The following MAP3K4 variants were observed in gnomAD, a reference collection of about 807,000 sequenced individuals.
MAP3K4 encodes MAP three kinase 1.
A neutral mutation model predicts 185.6 loss-of-function variants in MAP3K4; 67 were observed. The ratio of observed to expected loss-of-function variants is 0.36; its 90% CI spans 0.30 to 0.44. The LOEUF (loss-of-function observed/expected upper bound fraction) is 0.44. Ranked by LOEUF, MAP3K4 falls within the 20% of genes least tolerant of loss-of-function variation. MAP3K4 has a pLI of 1.00. For synonymous variants in MAP3K4, 702 were observed against 710.4 expected, an observed-to-expected ratio of 0.99 and a Z score of 0.19; for missense variants, 1,551 against 1,995.1, an observed-to-expected ratio of 0.78 and a Z score of 4.24.
In MAP3K4 at chr6:161,043,130, G is replaced by A. The variant is rs1183732410; in HGVS notation, c.344-5486G>A. On this transcript the variant is annotated intron_variant, in intron 2 of 26. Coordinates refer to ENST00000392142, the MANE Select transcript of MAP3K4 (RefSeq NM_005922.4). The surrounding 1 kb of genome is among the most constrained non-coding windows in gnomAD (Gnocchi z 4.3). ...AAATCAGATTCAATCTATATAGCTA[G>A]TGAAATGTTTGTGTCAACCAGAGTG... is the stretch of plus-strand genomic sequence containing the variant. Among the ~76,000 whole-genome samples, 2 of 152,216 alleles carry A rather than the reference G, an allele frequency of 1.3e-5. No homozygotes were observed. Among genetic ancestry groups the A allele is most frequent in the Non-Finnish European group, 2.9e-5 (2 of 68,026 alleles).
rs768526545 is a variant in MAP3K4 at position 161,106,521 on chromosome 6, T to C, written c.3864T>C (p.Ala1288=). The change falls in exon 20 of 27, where the codon GCT becomes GCC. Residue 1288 remains alanine (A), a synonymous_variant. Transcript: ENST00000392142. This position sits in a 1 kb window ranked among gnomAD's most constrained non-coding sequence, Gnocchi z 4.9. ...TTTTGGTTCTCTCTGCAGATACTGC[T>C]TCTAAACTAGGACCCATAGAAGCTA... ...RTLISQSKDT[A]SKLGPIEAIQ... is the part of the protein sequence containing the mutation. 1 of 1,607,690 alleles carries C rather than the reference T, an allele frequency of 6.2e-7. No homozygotes were observed. Among genetic ancestry groups the C allele is most frequent in the Non-Finnish European group, 8.5e-7 (1 of 1,177,338 alleles).
chr6:160,991,811 G>T lies in MAP3K4; in HGVS notation c.-121G>T, dbSNP rs1780703788. On this transcript the variant is annotated 5_prime_UTR_variant, in exon 1 of 27. Coordinates refer to ENST00000392142, the MANE Select transcript of MAP3K4 (RefSeq NM_005922.4). The surrounding 1 kb of genome is among the most constrained non-coding windows in gnomAD (Gnocchi z 5.7). Reference sequence around the variant, plus strand: ...TTCCAAGATGGCCGCGGCGCGCACGGCTCCTGCGGCGGGGTAGAGGCGGAG... The same window carrying T: ...TTCCAAGATGGCCGCGGCGCGCACGTCTCCTGCGGCGGGGTAGAGGCGGAG... 7.0e-6 allele frequency: 8 copies of T among 1,134,992 alleles called. No individual in the cohort carries two copies. Among genetic ancestry groups the T allele is most frequent in the East Asian group, 6.4e-5 (2 of 31,084 alleles). 70.3% of individuals were successfully genotyped at this position (1,134,992 alleles called of 1,614,324 possible). A position where few individuals can be genotyped will look rare whatever the true frequency, so the allele number is the denominator to read the frequency against.
At chr6:161,042,690 A>G (rs866041910) in intron 2 of MAP3K4, among the ~76,000 whole-genome samples, 2 of 152,214 alleles carry the variant, frequency 1.3e-5, no homozygotes, top group Non-Finnish European at 2.9e-5. Flanking sequence ...TCTTTTTAAT[A>G]TAGCAGAAGG....
At position 161,080,943 on chromosome 6, in the gene MAP3K4, T is replaced by A. The variant is rs775106861; in HGVS notation, c.2160T>A (p.His720Gln). The A allele has an allele frequency of 1.9e-6, 3 of 1,614,058 alleles. No homozygotes were observed. In the African/African-American group the frequency reaches 4.0e-5, roughly 22 times the overall value. The change falls in exon 6 of 27, where the codon CAT becomes CAA. Residue 720 changes from histidine (H) to glutamine (Q), a missense_variant. This residue lies in a region of MAP3K4 where 130 missense variants were observed against 171.3 expected (regional missense o/e 0.76). Coordinates refer to ENST00000392142, the MANE Select transcript of MAP3K4 (RefSeq NM_005922.4). The surrounding 1 kb of genome is among the most constrained non-coding windows in gnomAD (Gnocchi z 4.8). ...TACAGCAATTACCTCAAGCATCGCA[T>A]AGTTTAAAAAATCTGTTAGAAGAAG... The part of the protein sequence containing the change: ...QMLQQLPQAS[H>Q]SLKNLLEEEW...
rs1018710619 is a variant in MAP3K4 at position 161,076,048 on chromosome 6, A to G, written c.2097+2436A>G. 9.2e-5 allele frequency among the ~76,000 whole-genome samples: 14 copies of G among 152,194 alleles called. No homozygotes were observed. The highest frequency in any genetic ancestry group is 1.3e-4 in the Non-Finnish European group (9 of 68,040). The stretch of plus-strand genomic sequence containing the variant: ...AAATGGAAAAATTCCTTCTTCAGAG[A>G]AGGAGGAAATTGGCCACAATATCCT... On this transcript the variant is annotated intron_variant, in intron 5 of 26. Transcript: ENST00000392142. This position sits in a 1 kb window ranked among gnomAD's most constrained non-coding sequence, Gnocchi z 4.2.
At chr6:161,002,011 C>T (rs897532280) in intron 1 of MAP3K4, among the ~76,000 whole-genome samples, 1 of 151,540 alleles carries the variant, frequency 6.6e-6, no homozygotes, top group African/African-American at 2.4e-5. Flanking sequence ...GAAACATTTC[C>T]CCCCCAACGT....
intron 1 of MAP3K4, among the ~76,000 whole-genome samples, chr6:161,000,680 C>T (rs1388699975): frequency 6.6e-6 from 1 of 151,926 alleles, no homozygotes; most frequent in Non-Finnish European, 1.5e-5. Flanking sequence ...AACTCATTTT[C>T]CCCTGATATA....
At chr6:161,011,550 A>G (rs1287758065) in intron 1 of MAP3K4, among the ~76,000 whole-genome samples, 1 of 152,192 alleles carries the variant, frequency 6.6e-6, no homozygotes, top group African/African-American at 2.4e-5. Flanking sequence ...CTGAAAAAGT[A>G]GGATGTCAGA....
intron 2 of MAP3K4, among the ~76,000 whole-genome samples, chr6:161,047,115 T>C (rs1341012151): frequency 1.9e-5 from 1 of 54,014 alleles, no homozygotes; most frequent in Admixed American, 2.7e-4. Context: ...ATTTCACTTA[T>C]GCATATATAT....
chr6:161,050,044 ATGT>A, intron 3 of MAP3K4, 65 bp downstream of exon 3: 1 of 1,442,336 alleles, frequency 6.9e-7, no homozygotes. Flanking sequence ...GCAAATTATA[ATGT>A]TGGTGTTATG....
intron 5 of MAP3K4, among the ~76,000 whole-genome samples, chr6:161,079,666 G>A (rs1481900834): frequency 6.6e-6 from 1 of 152,170 alleles, no homozygotes; most frequent in Non-Finnish European, 1.5e-5. Context: ...ACACGGAGAT[G>A]GGGGAGCTCA....
At chr6:161,099,951 G>A (rs1777760596) in intron 17 of MAP3K4, among the ~76,000 whole-genome samples, 1 of 152,164 alleles carries the variant, frequency 6.6e-6, no homozygotes, top group Non-Finnish European at 1.5e-5. Flanking sequence ...TCTTAAGTTT[G>A]TACATACTTA....
In MAP3K4 at chr6:161,061,984, A is replaced by G. The variant is rs1007312795; in HGVS notation, c.1708-8624A>G. ...AAGAAGTTTAGCTTCTCTGACAGGG[A>G]TAGTTAATCTTTTAAAACATTTTAT... On this transcript the variant is annotated intron_variant, in intron 3 of 26. Transcript: ENST00000392142. This position sits in a 1 kb window ranked among gnomAD's most constrained non-coding sequence, Gnocchi z 4.2. Among the ~76,000 whole-genome samples the G allele has an allele frequency of 6.6e-6, 1 of 152,160 alleles. No homozygotes were observed. Among genetic ancestry groups the G allele is most frequent in the Non-Finnish European group, 1.5e-5 (1 of 68,030 alleles).
chr6:161,000,826 T>TGCACACATACACACATGTGTAC (rs1781243529), intron 1 of MAP3K4, among the ~76,000 whole-genome samples: 6 of 144,448 alleles, frequency 4.2e-5, no homozygotes, highest in Admixed American at 4.0e-4. Flanking sequence ...CACATGTGTA[T>TGCACACATACACACATGTGTAC]GCACACATAC....
intron 3 of MAP3K4, among the ~76,000 whole-genome samples, chr6:161,059,661 A>G (rs1784402563): frequency 1.3e-5 from 2 of 152,198 alleles, no homozygotes; most frequent in Non-Finnish European, 1.5e-5. Flanking sequence ...TTAACACTGT[A>G]TAGAAATTTC....
At chr6:161,099,388 T>G (rs911937490) in intron 17 of MAP3K4, among the ~76,000 whole-genome samples, 1 of 152,220 alleles carries the variant, frequency 6.6e-6, no homozygotes, top group African/African-American at 2.4e-5. Flanking sequence ...TTTCACTCAT[T>G]AAAATAATTA....
intron 11 of MAP3K4, 90 bp downstream of exon 11, chr6:161,089,561 G>C: frequency 1.4e-6 from 2 of 1,402,750 alleles, no homozygotes; most frequent in African/African-American, 2.9e-5. Context: ...ATCATCCAAG[G>C]AACTTGAGCT....
chr6:161,036,840 T>C (rs1783188625), intron 2 of MAP3K4, among the ~76,000 whole-genome samples: 1 of 152,164 alleles, frequency 6.6e-6, no homozygotes, highest in African/African-American at 2.4e-5. Flanking sequence ...TCCAAGGAAA[T>C]GCTAATTGGA....
chr6:161,095,016 A>G (rs1777506740), intron 15 of MAP3K4, among the ~76,000 whole-genome samples: 2 of 152,242 alleles, frequency 1.3e-5, no homozygotes, highest in African/African-American at 4.8e-5. Context: ...AAATTTATCA[A>G]TGTAGAAAAA....
Sources: allele counts gnomAD v4.1 joint callset (sites outside exome capture counted in the v4.1 genomes callset), GRCh38; gene constraint gnomAD v4.1.1; regional missense constraint gnomAD v4.1.1; non-coding constraint Gnocchi (gnomAD v3.1); transcripts MANE v1.5; gene names NCBI Gene and HGNC (gene_info 2026-07-23, HGNC 2026-07-21).